STK3: variants seen among roughly 807,000 people sequenced by gnomAD.
The protein encoded by STK3 is serine/threonine kinase 3, also known as serine/threonine-protein kinase 3.
A neutral mutation model predicts 58.0 loss-of-function variants in STK3; 41 were observed. That is an observed-to-expected ratio of 0.71 (90% CI 0.55 to 0.92). The LOEUF is 0.92. Ranked by LOEUF, STK3 falls within the 40% of genes least tolerant of loss-of-function variation. The probability of loss-of-function intolerance (pLI) is 0.00; values close to 1 mark genes in which losing one functional copy is unlikely to be tolerated. For missense variants in STK3, 479 were observed against 602.7 expected, an observed-to-expected ratio of 0.79 and a Z score of 2.15; for synonymous variants, 170 against 191.0, an observed-to-expected ratio of 0.89 and a Z score of 0.91.
chr8:98,445,654 G>T (rs146828902), intron 1 of STK3, among the ~76,000 whole-genome samples: 1 of 152,214 alleles, frequency 6.6e-6, no homozygotes, highest in African/African-American at 2.4e-5. Flanking sequence ...GCCTCAAGAA[G>T]AAAACTGCTG....
intron 10 of STK3, among the ~76,000 whole-genome samples, chr8:98,519,709 GT>G (rs1825210773): frequency 6.6e-6 from 1 of 152,094 alleles, no homozygotes; most frequent in Non-Finnish European, 1.5e-5. Context: ...AGCAAAGTTA[GT>G]TTTTTTCCCT....
At chr8:98,925,604 C>T (rs1839759043) in intron 1 of STK3, among the ~76,000 whole-genome samples, 1 of 152,208 alleles carries the variant, frequency 6.6e-6, no homozygotes, top group African/African-American at 2.4e-5. Context: ...TCAAACCCCT[C>T]TAATTTTAAA....
chr8:98,413,317 AT>A, intron 3 of STK3: 1 of 481,760 alleles, frequency 2.1e-6, no homozygotes, highest in Non-Finnish European at 4.1e-6. Flanking sequence ...GCCTGGCCTA[AT>A]TTTGTTTTTG....
At chr8:98,589,236 C>A (rs1398049888) in intron 7 of STK3, among the ~76,000 whole-genome samples, 3 of 152,172 alleles carry the variant, frequency 2.0e-5, no homozygotes, top group African/African-American at 7.2e-5. Flanking sequence ...GTTTTATCTA[C>A]TTTTGGTCTT....
rs114205525 is a variant in STK3, at chr8:98,803,239, T to A, written c.26+22276A>T. On this transcript the variant is annotated intron_variant, in intron 1 of 10. Transcript: ENST00000419617. ...CATTCAATAAAATCATCTTATACAC[T>A]GAAAAAAGAAAGGCCTCTTCTATAC... Among the ~76,000 whole-genome samples the A allele has an allele frequency of 3.1e-3, 470 of 152,082 alleles. 1 individual carries two copies. The highest frequency in any genetic ancestry group is 0.01 in the African/African-American group (416 of 41,506).
intron 10 of STK3, among the ~76,000 whole-genome samples, chr8:98,467,906 A>G (rs886281242): frequency 6.6e-6 from 1 of 152,214 alleles, no homozygotes; most frequent in African/African-American, 2.4e-5. Context: ...CACAATACTT[A>G]GTCTAACAAT....
rs774106966 is a variant in STK3, at chr8:98,428,644, G to A, written n.483+5483C>T. 1.2e-5 allele frequency: 19 copies of A among 1,614,078 alleles called. No homozygotes were observed. The South Asian group carries it at 1.3e-4, about 11-fold the overall frequency. On this transcript the variant is annotated intron_variant and non_coding_transcript_variant, in intron 3 of 3. Transcript: ENST00000517832. The surrounding 1 kb of genome is among the most constrained non-coding windows in gnomAD (Gnocchi z 6.7). ...ATCCCTGACAGCCAGGGCAACCCTG[G>A]CGAGGACCCTAGGTTCGAAATCGTG...
At chr8:98,854,860 T>C (rs1247730180) in intron 3 of STK3, among the ~76,000 whole-genome samples, 2 of 152,034 alleles carry the variant, frequency 1.3e-5, no homozygotes, top group African/African-American at 4.8e-5. Flanking sequence ...AGTTTGAGAC[T>C]AGCCTGGCAA....
intron 4 of STK3, among the ~76,000 whole-genome samples, chr8:98,719,215 C>T (rs1433732859): frequency 6.6e-6 from 1 of 152,134 alleles, no homozygotes; most frequent in Non-Finnish European, 1.5e-5. Flanking sequence ...TCATCCTCCA[C>T]TCTTTGTATA....
chr8:98,383,050 C>A (rs1041621567), intron 1 of STK3, among the ~76,000 whole-genome samples: 2 of 152,242 alleles, frequency 1.3e-5, no homozygotes, highest in African/African-American at 4.8e-5. Context: ...CCTAACAGAG[C>A]CCATTCTGCC....
intron 3 of STK3, among the ~76,000 whole-genome samples, chr8:98,864,474 T>G (rs1004401555): frequency 6.6e-6 from 1 of 152,204 alleles, no homozygotes; most frequent in Non-Finnish European, 1.5e-5. Flanking sequence ...AATCTCTTCT[T>G]GTTGAAGCCA....
chr8:98,428,568 G>A lies in STK3; in HGVS notation n.483+5559C>T. On this transcript the variant is annotated intron_variant and non_coding_transcript_variant, in intron 3 of 3. Coordinates refer to the STK3 transcript ENST00000517832. This position sits in a 1 kb window ranked among gnomAD's most constrained non-coding sequence, Gnocchi z 6.7. ...CTTCAGCATCCTGTCCATCCTGGTGGTGATGGGGTCCATCATCACCATGTG... is the reference window on the plus strand; with the variant it reads ...CTTCAGCATCCTGTCCATCCTGGTGATGATGGGGTCCATCATCACCATGTG... The A allele has an allele frequency of 3.1e-6, 5 of 1,614,142 alleles. No homozygotes were observed. Among genetic ancestry groups the A allele is most frequent in the Non-Finnish European group, 4.2e-6 (5 of 1,179,990 alleles).
rs1822132912 is a variant in STK3, at chr8:98,484,992, C to G, written c.1318-28992G>C. ...CGGTGGCTCACGCCTGTAATCTCAG[C>G]ACTTTGGGAGGCTGAGGTGGGCCGA... is the stretch of plus-strand genomic sequence containing the variant. On this transcript the variant is annotated intron_variant, in intron 10 of 10. Transcript: ENST00000419617. 3.9e-5 allele frequency among the ~76,000 whole-genome samples: 6 copies of G among 152,238 alleles called. 1 individual carries two copies. The Middle Eastern group carries it at 0.02, about 518-fold the overall frequency.
chr8:98,540,649 C>T (rs1157092822), intron 9 of STK3, among the ~76,000 whole-genome samples: 1 of 152,130 alleles, frequency 6.6e-6, no homozygotes, highest in Non-Finnish European at 1.5e-5. Context: ...TATTATTTAA[C>T]ATTGTAGTCG....
intron 6 of STK3, among the ~76,000 whole-genome samples, chr8:98,642,552 GTTGTACACCAT>G (rs1820108348): frequency 6.6e-6 from 1 of 152,102 alleles, no homozygotes; most frequent in Non-Finnish European, 1.5e-5. Context: ...TTTGCCCAAG[GTTGTACACCAT>G]TTGGCCTGGA....
chr8:98,874,762 G>A (rs1046011638), intron 3 of STK3, among the ~76,000 whole-genome samples: 5 of 151,620 alleles, frequency 3.3e-5, no homozygotes, highest in African/African-American at 4.8e-5. Flanking sequence ...CAGTAGCTGG[G>A]ACTACAGGTG....
At chr8:98,939,794 G>A (rs908203298) in intron 1 of STK3, among the ~76,000 whole-genome samples, 2 of 152,218 alleles carry the variant, frequency 1.3e-5, no homozygotes, top group African/African-American at 4.8e-5. Flanking sequence ...GTCATCCATC[G>A]TCTACCCACG....
intron 1 of STK3, among the ~76,000 whole-genome samples, chr8:98,822,417 C>T (rs1448285586): frequency 2.0e-5 from 3 of 152,116 alleles, no homozygotes; most frequent in Non-Finnish European, 4.4e-5. Context: ...CTCAAGCAAT[C>T]CTCCCACCTC....
chr8:98,909,298 AC>A (rs1484976581), intron 1 of STK3, among the ~76,000 whole-genome samples: 1 of 152,204 alleles, frequency 6.6e-6, no homozygotes, highest in Non-Finnish European at 1.5e-5. Context: ...AGGATAGTTG[AC>A]CTTTTTTTCA....
Sources: gnomAD v4.1 joint callset for allele counts (sites outside exome capture counted in the v4.1 genomes callset) on GRCh38, gnomAD v4.1.1 for gene constraint, Gnocchi (gnomAD v3.1) non-coding constraint, MANE v1.5 for transcripts, NCBI Gene and HGNC (gene_info 2026-07-23, HGNC 2026-07-21) for gene names.